IGF2: variants seen among roughly 807,000 people sequenced by gnomAD.
IGF2 encodes insulin-like growth factor 2.
In IGF2, 2 loss-of-function variants were observed where a neutral mutation model predicts 12.0. The observed-to-expected ratio is 0.17, with a 90% confidence interval of 0.07 to 0.52. The LOEUF (loss-of-function observed/expected upper bound fraction) is 0.52, where lower values mean the gene tolerates loss of function less well. Among genes scored for constraint, IGF2 ranks in the 20% least tolerant of loss-of-function variants. The pLI is 0.95. For synonymous variants in IGF2, 105 were observed against 110.1 expected (o/e 0.95, Z 0.29); for missense variants, 211 against 268.0 (o/e 0.79, Z 1.48).
upstream of IGF2, chr11:2,140,883 G>A (rs1859540603): frequency 2.7e-6 from 1 of 371,442 alleles, no homozygotes; most frequent in Non-Finnish European, 5.2e-6. Flanking sequence ...GCGTCCGCGG[G>A]CGCACCAGGA....
At chr11:2,138,192 A>AGCCCCG (rs1425170094) in intron 1 of IGF2, 37 bp downstream of exon 1, 45 of 981,736 alleles carry the variant, frequency 4.6e-5, no homozygotes, top group East Asian at 2.3e-4. Flanking sequence ...GCGCCGCCCC[A>AGCCCCG]GCCCCGGCCC....
chr11:2,140,025 C>G, upstream of IGF2: 1 of 1,099,310 alleles, frequency 9.1e-7, no homozygotes, highest in Non-Finnish European at 1.3e-6. Context: ...GTGCGGGACG[C>G]GCGGAAGGCC....
At chr11:2,145,520 G>T (rs1430848481), upstream of IGF2, among the ~76,000 whole-genome samples, 1 of 152,210 alleles carries the variant, frequency 6.6e-6, no homozygotes, top group Non-Finnish European at 1.5e-5. Flanking sequence ...GGGGGTGCTG[G>T]GGACAATTAC....
chr11:2,145,830 C>A (rs1002843861), upstream of IGF2, among the ~76,000 whole-genome samples: 8 of 152,062 alleles, frequency 5.3e-5, no homozygotes, highest in South Asian at 2.1e-4. Context: ...ACGCGGGTCA[C>A]CCTGAGGCTC....
chr11:2,138,924 C>T lies in IGF2; in HGVS notation c.-702G>A, dbSNP rs1263028070. ...CGCGGGCGCCCAGCTCGGTTTGGGC[C>T]GACGGAGCCCTCTGCCGTCGCGAGC... On this transcript the variant is annotated 5_prime_UTR_variant, in exon 1 of 4. Coordinates refer to ENST00000416167, the MANE Select transcript of IGF2 (RefSeq NM_000612.6). 3 of 984,272 alleles carry T rather than the reference C, an allele frequency of 3.0e-6. No individual in the cohort carries two copies. The African/African-American group carries it at 5.3e-5, about 17-fold the overall frequency. 61.0% of individuals were successfully genotyped at this position (984,272 alleles called of 1,614,324 possible). A position where few individuals can be genotyped will look rare whatever the true frequency, so the allele number is the denominator to read the frequency against.
upstream of IGF2, chr11:2,140,374 C>T (rs536141370): frequency 3.4e-4 from 456 of 1,358,248 alleles, 3 homozygotes; most frequent in South Asian, 1.3e-3. Flanking sequence ...ATCCCGCACC[C>T]CGCCAGCCCC....
chr11:2,138,168 T>C, intron 1 of IGF2, 61 bp downstream of exon 1: 1 of 958,212 alleles, frequency 1.0e-6, no homozygotes, highest in South Asian at 4.8e-5. Context: ...GGGCCGGGCG[T>C]CCGGCGCAAG....
chr11:2,137,282 C>G (rs1221606743), intron 1 of IGF2: 25 of 989,534 alleles, frequency 2.5e-5, no homozygotes, highest in Non-Finnish European at 3.0e-5. Flanking sequence ...AAGCTAATGT[C>G]CAGTTTGCAG....
the IGF2 span, chr11:2,146,263 C>G: frequency 7.5e-6 from 4 of 533,830 alleles, no homozygotes; most frequent in Admixed American, 1.9e-5. Context: ...CTGAGCTCAC[C>G]GCTCCGCCGT....
chr11:2,144,774 G>A (rs370313509), upstream of IGF2, among the ~76,000 whole-genome samples: 1 of 152,250 alleles, frequency 6.6e-6, no homozygotes, highest in East Asian at 1.9e-4. Context: ...TGGGGTGGGT[G>A]GGGGTACTGC....
rs1451738469 is a variant in IGF2 at position 2,132,925 on chromosome 11, T to TCC, written c.*60_*61dup. ...TTCGGGATGGAACCTGATGGAAACG[T>TCC]CCGTGGTCAGGAGGAGGCTGCAGGA... is the stretch of plus-strand genomic sequence containing the variant. On this transcript the variant is annotated 3_prime_UTR_variant, in exon 4 of 4. Transcript: ENST00000416167. The TCC allele has an allele frequency of 1.0e-5, 12 of 1,149,378 alleles. No homozygotes were observed. Among genetic ancestry groups the TCC allele is most frequent in the Non-Finnish European group, 1.5e-5 (12 of 816,302 alleles). 71.2% of individuals were successfully genotyped at this position (1,149,378 alleles called of 1,614,324 possible).
Position 2,131,973 on chromosome 11 carries a change from T to C in IGF2, c.*1014A>G, listed in dbSNP as rs371884035. On this transcript the variant is annotated 3_prime_UTR_variant, in exon 4 of 4. Transcript: ENST00000416167. Reference sequence around the variant, plus strand: ...CGTTTGTGTGCTGTGTGTGCATGTGTGTGCGTGTGTGTGCTGTGCGTTTGT... The same window carrying C: ...CGTTTGTGTGCTGTGTGTGCATGTGCGTGCGTGTGTGTGCTGTGCGTTTGT... The C allele has an allele frequency of 1.7e-3, 282 of 166,320 alleles. 2 individuals are homozygous for C. The highest frequency in any genetic ancestry group is 0.012 in the Admixed American group (164 of 14,106). The allele number at this position is 166,320 out of a possible 1,614,324, so 10.3% of individuals were successfully genotyped here. A position where few individuals can be genotyped will look rare whatever the true frequency, so the allele number is the denominator to read the frequency against.
rs1055709747 is a variant in IGF2 at position 2,139,172 on chromosome 11, G to T, written c.-950C>A. On this transcript the variant is annotated 5_prime_UTR_variant, in exon 1 of 4. Coordinates refer to ENST00000416167, the MANE Select transcript of IGF2 (RefSeq NM_000612.6). ...GAGTTGAGGTAGATGAAGAGGAGGC[G>T]GCGGGGAATCCGCAGGCCCGGCGGA... 6.6e-6 allele frequency: 1 copy of T among 151,760 alleles called. No homozygotes were observed. The highest frequency in any genetic ancestry group is 6.6e-5 in the Admixed American group (1 of 15,240). The allele number at this position is 151,760 out of a possible 1,614,324, so 9.4% of individuals were successfully genotyped here. A position where few individuals can be genotyped will look rare whatever the true frequency, so the allele number is the denominator to read the frequency against.
At chr11:2,146,397 G>A in the IGF2 span, 6 of 534,440 alleles carry the variant, frequency 1.1e-5, no homozygotes, top group Non-Finnish European at 1.9e-5. Flanking sequence ...CACTCCCCTC[G>A]CTGGGGAAGG....
Position 2,130,931 on chromosome 11 carries a change from T to A in IGF2, c.*2056A>T. ...GTGGGGGGGTCCCCAAGATCTTCCTTCCAGGAGCACACCAGGGAGTCAGGC... is the reference window on the plus strand; with the variant it reads ...GTGGGGGGGTCCCCAAGATCTTCCTACCAGGAGCACACCAGGGAGTCAGGC... On this transcript the variant is annotated 3_prime_UTR_variant, in exon 4 of 4. Transcript: ENST00000416167. The A allele has an allele frequency of 4.6e-6, 1 of 217,696 alleles. No individual in the cohort carries two copies. 13.5% of individuals were successfully genotyped at this position (217,696 alleles called of 1,614,324 possible).
At chr11:2,139,985 G>T, upstream of IGF2, 2 of 628,668 alleles carry the variant, frequency 3.2e-6, no homozygotes, top group Non-Finnish European at 4.9e-6. Flanking sequence ...GCCCCCCGGT[G>T]CCGCGCCGGA....
At chr11:2,135,696 T>G (rs1265055296) in intron 1 of IGF2, among the ~76,000 whole-genome samples, 167 bp from the exon 2 acceptor site, 1 of 152,242 alleles carries the variant, frequency 6.6e-6, no homozygotes, top group African/African-American at 2.4e-5. Context: ...CAGGTCATAA[T>G]GCCGAGGTGA....
chr11:2,137,181 T>C, intron 1 of IGF2: 1 of 977,752 alleles, frequency 1.0e-6, no homozygotes, highest in Non-Finnish European at 1.2e-6. Context: ...TCCACAGCCC[T>C]GGTTACCTAC....
At chr11:2,144,125 C>G (rs1859766765), upstream of IGF2, among the ~76,000 whole-genome samples, 1 of 152,136 alleles carries the variant, frequency 6.6e-6, no homozygotes. Flanking sequence ...ACGGAGAGCG[C>G]GTTTGTGGCG....
Sources: allele counts gnomAD v4.1 joint callset (sites outside exome capture counted in the v4.1 genomes callset), GRCh38; gene constraint gnomAD v4.1.1; transcripts MANE v1.5; gene names NCBI Gene and HGNC (gene_info 2026-07-23, HGNC 2026-07-21).